BFSP1: variants seen among roughly 807,000 people sequenced by gnomAD.
The protein encoded by BFSP1 is beaded filament structural protein 1.
In BFSP1, 38 loss-of-function variants were observed where a neutral mutation model predicts 43.9. The observed-to-expected ratio is 0.87, with a 90% confidence interval of 0.67 to 1.14. The LOEUF (loss-of-function observed/expected upper bound fraction) is 1.14. Ranked by LOEUF, BFSP1 falls within the 50% of genes most tolerant of loss-of-function variation. The pLI, the probability that BFSP1 is intolerant of heterozygous loss-of-function variation, is 0.00. For missense variants in BFSP1, 850 were observed against 875.1 expected (o/e 0.97, Z 0.36); for synonymous variants, 352 against 354.8 (o/e 0.99, Z 0.09).
At chr20:17,540,028 C>T (rs1311840052) in intron 1 of BFSP1, among the ~76,000 whole-genome samples, 1 of 152,190 alleles carries the variant, frequency 6.6e-6, no homozygotes, top group African/African-American at 2.4e-5. Flanking sequence ...GTATACTATA[C>T]ATTTTAAGCC....
At chr20:17,557,192 G>A (rs370531601) in intron 1 of BFSP1, among the ~76,000 whole-genome samples, 32 of 152,342 alleles carry the variant, frequency 2.1e-4, no homozygotes, top group Middle Eastern at 3.4e-3. Flanking sequence ...AGAGGGCCAG[G>A]CCGTGCAAAG....
At chr20:17,560,796 A>G (rs539165511), upstream of BFSP1, 5 of 152,314 alleles carry the variant, frequency 3.3e-5, no homozygotes, top group South Asian at 4.1e-4. Flanking sequence ...GCAGGGAATA[A>G]TGGGACGAGC....
intron 1 of BFSP1, among the ~76,000 whole-genome samples, chr20:17,538,677 CA>C (rs2034668936): frequency 6.6e-6 from 1 of 152,182 alleles, no homozygotes; most frequent in Admixed American, 6.5e-5. Context: ...ATTGTCGTAC[CA>C]ACTCATCGTC....
chr20:17,508,332 T>A (rs1366591052), intron 5 of BFSP1, among the ~76,000 whole-genome samples: 1 of 152,198 alleles, frequency 6.6e-6, no homozygotes, highest in Non-Finnish European at 1.5e-5. Context: ...CAAATTAAGC[T>A]TCACCCAAAA....
upstream of BFSP1, chr20:17,558,990 G>A (rs912918339): frequency 2.4e-5 from 8 of 331,190 alleles, no homozygotes; most frequent in African/African-American, 1.7e-4. Flanking sequence ...TAATGACTGG[G>A]CCTGAATTTA....
intron 1 of BFSP1, chr20:17,558,653 A>G (rs1382479401): frequency 1.3e-6 from 2 of 1,548,384 alleles, no homozygotes; most frequent in Non-Finnish European, 8.7e-7. Flanking sequence ...TGCTAAACCT[A>G]GAATCCAACA....
At chr20:17,510,664 T>C (rs1435546219) in intron 4 of BFSP1, among the ~76,000 whole-genome samples, 1 of 152,206 alleles carries the variant, frequency 6.6e-6, no homozygotes, top group African/African-American at 2.4e-5. Context: ...ACGAAAAAGT[T>C]CAGGCAGCCG....
At position 17,494,790 on chromosome 20, in the gene BFSP1, G is replaced by T. The variant is rs1324168952; in HGVS notation, c.1282C>A (p.Pro428Thr). ...TGCCCTCCATCTGGCACATCCTCTG[G>T]AGCCCCTTCTTGTGTCAGGGGACTT... ...EVSPLTQEGAPEDVPDGGQIS... is the reference protein window; with the variant it reads ...EVSPLTQEGATEDVPDGGQIS... The change falls in exon 8 of 8, where the codon CCA becomes ACA. Residue 428 changes from proline to threonine, a missense_variant. Pro to Thr is a conservative substitution (Grantham distance 38). Coordinates refer to ENST00000377873, the MANE Select transcript of BFSP1 (RefSeq NM_001195.5). The T allele has an allele frequency of 1.4e-5, 23 of 1,614,134 alleles. No homozygotes were observed. The highest frequency in any genetic ancestry group is 2.7e-5 in the African/African-American group (2 of 75,022).
At position 17,528,618 on chromosome 20, in the gene BFSP1, A is replaced by G. The variant is rs2034469996; in HGVS notation, c.377+2335T>C. Among the ~76,000 whole-genome samples the G allele has an allele frequency of 2.0e-5, 3 of 152,358 alleles. No individual in the cohort carries two copies. In the South Asian group the frequency reaches 6.2e-4, roughly 32 times the overall value. ...AGTGTTCCCGAAAGAGCATAGGCCC[A>G]GGGTGAGAAAACCCAGGTTCAAGTT... On this transcript the variant is annotated intron_variant, in intron 1 of 7. Transcript: ENST00000377873.
At position 17,551,546 on chromosome 20, in the gene BFSP1, G is replaced by C. The variant is rs907380645; in HGVS notation, c.2+7142C>G. The stretch of plus-strand genomic sequence containing the variant: ...TCAGTGCTCAAGCTCACAGATGGCT[G>C]CTACCCTTAGGTATCACATCTGTAC... On this transcript the variant is annotated intron_variant, in intron 1 of 7. Transcript: ENST00000377868. Among the ~76,000 whole-genome samples, 223 of 152,310 alleles carry C rather than the reference G, an allele frequency of 1.5e-3. 3 individuals carry two copies. The highest frequency in any genetic ancestry group is 3.5e-4 in the Non-Finnish European group (24 of 68,032).
In BFSP1 at chr20:17,494,387, C is replaced by T. The variant is rs1262312467; in HGVS notation, c.1685G>A (p.Gly562Asp). 3 of 1,614,238 alleles carry T rather than the reference C, an allele frequency of 1.9e-6. No individual in the cohort carries two copies. The highest frequency in any genetic ancestry group is 2.5e-6 in the Non-Finnish European group (3 of 1,180,054). The change falls in exon 8 of 8, where the codon GGT (glycine) becomes GAT (aspartate). Residue 562 changes from glycine (G) to aspartate (D), a missense_variant. Gly to Asp is a moderately conservative substitution (Grantham distance 94). Transcript: ENST00000377873. ...ELEGPEEKRE[G>D]EERDEESRRP... is the part of the protein sequence containing the mutation. ...CCTGGACTCTTCGTCCCGCTCCTCA[C>T]CCTCACGTTTCTCTTCAGGGCCTTC...
At chr20:17,557,464 C>G (rs79299986) in intron 1 of BFSP1, among the ~76,000 whole-genome samples, 4 of 152,110 alleles carry the variant, frequency 2.6e-5, no homozygotes, top group African/African-American at 4.8e-5. Flanking sequence ...TCTCTGCCCC[C>G]CTATGTCCCC....
chr20:17,519,172 G>A (rs538881480), intron 2 of BFSP1, among the ~76,000 whole-genome samples: 1 of 152,278 alleles, frequency 6.6e-6, no homozygotes, highest in South Asian at 2.1e-4. Context: ...TGAATGACTG[G>A]AAACAGGGCT....
At chr20:17,537,507 C>G (rs1416166660) in intron 1 of BFSP1, among the ~76,000 whole-genome samples, 2 of 137,888 alleles carry the variant, frequency 1.5e-5, no homozygotes, top group African/African-American at 5.5e-5. Context: ...CAAACACTAT[C>G]AAAGAGAGCA....
At position 17,499,013 on chromosome 20, in the gene BFSP1, T is replaced by C; in HGVS notation, c.763A>G (p.Ser255Gly). 6.8e-6 allele frequency: 11 copies of C among 1,614,194 alleles called. No individual in the cohort carries two copies. The highest frequency in any genetic ancestry group is 9.3e-6 in the Non-Finnish European group (11 of 1,180,026). ...TCATCGTCATAACACTCATGGGCAC[T>C]TTTAATAGCTTGTTCCAGAGTTGTT... Reference protein sequence around the residue: ...QTTTLEQAIKSAHECYDDEIQ... With the variant: ...QTTTLEQAIKGAHECYDDEIQ... Residue 255 changes from serine to glycine, a missense_variant, in exon 6 of 8, where the codon AGT becomes GGT. By Grantham distance (56) the Ser-to-Gly change is moderately conservative. Transcript: ENST00000377873.
At chr20:17,505,342 G>A (rs551334005) in intron 5 of BFSP1, among the ~76,000 whole-genome samples, 1 of 152,208 alleles carries the variant, frequency 6.6e-6, no homozygotes, top group Non-Finnish European at 1.5e-5. Context: ...TGGGTCAGTG[G>A]TCTGGGGTGC....
chr20:17,541,361 G>C (rs1470650848), intron 1 of BFSP1, among the ~76,000 whole-genome samples: 1 of 152,188 alleles, frequency 6.6e-6, no homozygotes, highest in African/African-American at 2.4e-5. Context: ...GCAGTTCCAG[G>C]CCCTCTCATT....
At chr20:17,499,537 G>A (rs1251198796) in intron 5 of BFSP1, among the ~76,000 whole-genome samples, 1 of 149,780 alleles carries the variant, frequency 6.7e-6, no homozygotes, top group Non-Finnish European at 1.5e-5. Flanking sequence ...GCGAGTCACC[G>A]CACCCAGCCC....
chr20:17,548,892 C>G (rs1600680677), intron 1 of BFSP1, among the ~76,000 whole-genome samples: 1 of 152,148 alleles, frequency 6.6e-6, no homozygotes, highest in Non-Finnish European at 1.5e-5. Flanking sequence ...ACTATAGCCT[C>G]AAACTCCTGG....
Sources: allele counts gnomAD v4.1 joint callset (sites outside exome capture counted in the v4.1 genomes callset), GRCh38; gene constraint gnomAD v4.1.1; transcripts MANE v1.5; gene names NCBI Gene and HGNC (gene_info 2026-07-23, HGNC 2026-07-21).